The following ELF4 variants were observed in gnomAD, a reference collection of about 807,000 sequenced individuals.
ELF4 encodes the protein E74 like ETS transcription factor 4, also known as ETS-related transcription factor Elf-4.
In ELF4, 10 loss-of-function variants were observed where a neutral mutation model predicts 31.7. The observed-to-expected ratio is 0.32, with a 90% CI of 0.19 to 0.54. The LOEUF is 0.54. ELF4 is among the 20% of genes least tolerant of loss of function. The pLI is 0.95. For missense variants in ELF4, 418 were observed against 522.0 expected, an observed-to-expected ratio of 0.80 and a Z score of 1.94; for synonymous variants, 208 against 226.7, an observed-to-expected ratio of 0.92 and a Z score of 0.74.
At chrX:130,094,439 C>T (rs1301194991) in intron 1 of ELF4, among the ~76,000 whole-genome samples, 5 of 92,960 alleles carry the variant, frequency 5.4e-5, no homozygotes, top group Admixed American at 3.6e-4. Flanking sequence ...TGGTGGCGGG[C>T]GCCTATAATC....
rs1220135107 is a variant in ELF4, at chrX:130,069,409, G to A, written c.1078C>T (p.Pro360Ser). The A allele has an allele frequency of 2.9e-5, 35 of 1,211,841 alleles. No homozygotes were observed. Among genetic ancestry groups the A allele is most frequent in the Non-Finnish European group, 3.9e-5 (35 of 895,530 alleles). The stretch of plus-strand genomic sequence containing the variant: ...GGTCCCAATTCCAGACTCGCAGATG[G>A]CTGGAGACCGACATGCTGAATTTTT... ...KPKIQHVGLQPSASLELGPSL... is the reference protein window; with the variant it reads ...KPKIQHVGLQSSASLELGPSL... Residue 360 changes from proline to serine, a missense_variant, in exon 8 of 9, where the codon CCA (proline) becomes TCA (serine). Pro to Ser is a moderately conservative substitution (Grantham distance 74). This residue lies in a region of ELF4 where 260 missense variants were observed against 269.2 expected (regional missense o/e 0.97). Transcript: ENST00000308167.
chrX:130,071,257 G>A, intron 6 of ELF4, 25 bp from the exon 7 acceptor site: 1 of 1,210,850 alleles, frequency 8.3e-7, no homozygotes, highest in Admixed American at 2.2e-5. Flanking sequence ...GCCGTGAGGG[G>A]CAGCCTGGGC....
rs1932664873 is a variant in ELF4, at chrX:130,066,139, C to G, written c.*582G>C. On this transcript the variant is annotated 3_prime_UTR_variant, in exon 9 of 9. Transcript: ENST00000308167. ...GGATCAAACTTGTACCCCATAGTCTCAGAGCAACTGAATCTCGGCATGAAC... is the reference window on the plus strand; with the variant it reads ...GGATCAAACTTGTACCCCATAGTCTGAGAGCAACTGAATCTCGGCATGAAC... The G allele has an allele frequency of 5.7e-6, 1 of 174,602 alleles. No individual in the cohort carries two copies. Among genetic ancestry groups the G allele is most frequent in the African/African-American group, 3.0e-5 (1 of 33,897 alleles). The allele number at this position is 174,602 out of a possible 1,213,427, so 14.4% of individuals were successfully genotyped here. A position where few individuals can be genotyped will look rare whatever the true frequency, so the allele number is the denominator to read the frequency against.
At chrX:130,075,763 G>A (rs767982967) in intron 2 of ELF4, among the ~76,000 whole-genome samples, 62 of 111,756 alleles carry the variant, frequency 5.5e-4, no homozygotes, top group Non-Finnish European at 7.5e-4. Flanking sequence ...GACCTAGTTC[G>A]CAGCCAGAGT....
intron 1 of ELF4, among the ~76,000 whole-genome samples, chrX:130,100,023 G>A (rs896282484): frequency 2.7e-5 from 3 of 111,219 alleles, no homozygotes; most frequent in African/African-American, 9.8e-5. Flanking sequence ...ACCTGGTGGG[G>A]CCAACCAGCA....
Position 130,064,718 on chromosome X carries a change from G to A in ELF4, c.*2003C>T, listed in dbSNP as rs2124607589. Among the ~76,000 whole-genome samples, 1 of 110,940 alleles carries A rather than the reference G, an allele frequency of 9.0e-6. No individual in the cohort carries two copies. Among genetic ancestry groups the A allele is most frequent in the South Asian group, 3.9e-4 (1 of 2,592 alleles). On this transcript the variant is annotated 3_prime_UTR_variant, in exon 9 of 9. Coordinates refer to ENST00000308167, the MANE Select transcript of ELF4 (RefSeq NM_001421.4). Reference sequence around the variant, plus strand: ...GAGCCCAGCTAGTGTGGGCTCACGGGGGCCCGAGAACTGTGAAGAAGACAT... The same window carrying A: ...GAGCCCAGCTAGTGTGGGCTCACGGAGGCCCGAGAACTGTGAAGAAGACAT...
chrX:130,074,684 C>T lies in ELF4; in HGVS notation c.144G>A (p.Leu48=). The T allele has an allele frequency of 8.3e-7, 1 of 1,211,798 alleles. No homozygotes were observed. The highest frequency in any genetic ancestry group is 1.7e-5 in the African/African-American group (1 of 57,742). The change falls in exon 3 of 9, where the codon CTG becomes CTA. Residue 48 remains leucine, a synonymous_variant. Coordinates refer to ENST00000308167, the MANE Select transcript of ELF4 (RefSeq NM_001421.4). ...EQVPYPDLLH[L]YSGLELDDVH... ...CGTCGTCCAACTCCAGTCCCGAGTA[C>T]AGATGCAGTAAATCAGGGTAGGGTA...
chrX:130,101,635 T>C (rs919912232), intron 1 of ELF4, among the ~76,000 whole-genome samples: 1 of 109,106 alleles, frequency 9.2e-6, no homozygotes, highest in Admixed American at 9.9e-5. Flanking sequence ...CTGCTAAAAA[T>C]ACAGAATTAG....
intron 4 of ELF4, 71 bp downstream of exon 4, chrX:130,073,978 T>C (rs1932810709): frequency 9.1e-7 from 1 of 1,098,237 alleles, no homozygotes. Flanking sequence ...GAGAAACCAA[T>C]ACATGGATTT....
At chrX:130,076,282 T>C (rs761838586) in intron 2 of ELF4, among the ~76,000 whole-genome samples, 98 of 111,235 alleles carry the variant, frequency 8.8e-4, no homozygotes, top group Middle Eastern at 9.1e-3. Flanking sequence ...GCCAGCACTT[T>C]GGGAGGCTGA....
chrX:130,087,728 G>A (rs1200414066), intron 1 of ELF4, among the ~76,000 whole-genome samples: 1 of 111,813 alleles, frequency 8.9e-6, no homozygotes, highest in African/African-American at 3.3e-5. Context: ...TCAGCCTCCC[G>A]AAGTGCTGGG....
chrX:130,080,725 C>A (rs1036112034), intron 2 of ELF4, among the ~76,000 whole-genome samples: 2 of 111,573 alleles, frequency 1.8e-5, no homozygotes, highest in Non-Finnish European at 3.8e-5. Flanking sequence ...CCAACTTCCT[C>A]CCACCAAAAG....
intron 1 of ELF4, among the ~76,000 whole-genome samples, chrX:130,085,335 C>T (rs1264441244): frequency 2.7e-5 from 3 of 112,006 alleles, no homozygotes; most frequent in Admixed American, 9.5e-5. Flanking sequence ...ACCTCCTGGC[C>T]TGCAAATACA....
chrX:130,081,202 T>C (rs1603204070), intron 2 of ELF4, 54 bp downstream of exon 2: 22 of 1,179,053 alleles, frequency 1.9e-5, no homozygotes, highest in Non-Finnish European at 2.4e-5. Flanking sequence ...TGGCTGTCTG[T>C]GTCTATCTGA....
chrX:130,085,774 A>G (rs750645911), intron 1 of ELF4, among the ~76,000 whole-genome samples: 6 of 111,531 alleles, frequency 5.4e-5, no homozygotes, highest in Admixed American at 1.9e-4. Context: ...AATTCTCTGG[A>G]AAGGAAGTGA....
At chrX:130,071,315 C>T (rs200161513) in intron 6 of ELF4, 21 bp downstream of exon 6, 1 of 1,210,187 alleles carries the variant, frequency 8.3e-7, no homozygotes, top group Non-Finnish European at 1.1e-6. Flanking sequence ...CCCACCTCAC[C>T]TGAGTCCCAG....
At position 130,064,654 on chromosome X, in the gene ELF4, G is replaced by A; in HGVS notation, c.*2067C>T. Among the ~76,000 whole-genome samples the A allele has an allele frequency of 8.9e-6, 1 of 111,737 alleles. No individual in the cohort carries two copies. Reference sequence around the variant, plus strand: ...AACAGCCACGTTGGAAGTGGTAGGTGAAGAACCAGCCCCGGAAAGGGTGAT... The same window carrying A: ...AACAGCCACGTTGGAAGTGGTAGGTAAAGAACCAGCCCCGGAAAGGGTGAT... On this transcript the variant is annotated 3_prime_UTR_variant, in exon 9 of 9. Coordinates refer to ENST00000308167, the MANE Select transcript of ELF4 (RefSeq NM_001421.4).
chrX:130,109,962 T>C (rs1160648861), intron 1 of ELF4, among the ~76,000 whole-genome samples: 1 of 112,766 alleles, frequency 8.9e-6, no homozygotes, highest in African/African-American at 3.2e-5. Flanking sequence ...GTCGGATCCA[T>C]CTAGCAGCTC....
intron 1 of ELF4, among the ~76,000 whole-genome samples, chrX:130,091,746 G>A (rs894590436): frequency 9.0e-6 from 1 of 111,649 alleles, no homozygotes; most frequent in Non-Finnish European, 1.9e-5. Flanking sequence ...ATGTGACCTC[G>A]AGCAGGTCAC....
Sources: allele counts gnomAD v4.1 joint callset (sites outside exome capture counted in the v4.1 genomes callset), GRCh38; gene constraint gnomAD v4.1.1; regional missense constraint gnomAD v4.1.1; transcripts MANE v1.5; gene names NCBI Gene and HGNC (gene_info 2026-07-23, HGNC 2026-07-21).